Variants in ZSCAN21 observed in about 807,000 individuals in gnomAD.
The protein encoded by ZSCAN21 is zinc finger and SCAN domain containing 21, also known as zinc finger and SCAN domain-containing protein 21.
In ZSCAN21, 26 loss-of-function variants were observed where a neutral mutation model predicts 35.6. The ratio of observed to expected loss-of-function variants is 0.73; its 90% confidence interval spans 0.54 to 1.01. The LOEUF (loss-of-function observed/expected upper bound fraction) is 1.01. Among genes scored for constraint, ZSCAN21 ranks in the 50% least tolerant of loss-of-function variants. The pLI, the probability that ZSCAN21 is intolerant of heterozygous loss-of-function variation, is 0.00. For synonymous variants in ZSCAN21, 219 were observed against 219.3 expected (o/e 1.00, Z 0.01); for missense variants, 593 against 587.1 (o/e 1.01, Z -0.10).
Position 100,049,791 on chromosome 7 carries a change from C to T in ZSCAN21, c.-147C>T, listed in dbSNP as rs1005052056. ...TATGACGCACTTCCGGGTGCGCGGT[C>T]CCGAGGTACGCGGTGCGGTCTCCCG... On this transcript the variant is annotated 5_prime_UTR_variant, in exon 1 of 4. Transcript: ENST00000292450. 4 of 152,306 alleles carry T rather than the reference C, an allele frequency of 2.6e-5. No homozygotes were observed. Among genetic ancestry groups the T allele is most frequent in the Non-Finnish European group, 5.9e-5 (4 of 68,080 alleles). 9.4% of individuals were successfully genotyped at this position (152,306 alleles called of 1,614,324 possible).
intron 1 of ZSCAN21, among the ~76,000 whole-genome samples, chr7:100,053,466 G>C (rs1791958042): frequency 6.7e-6 from 1 of 149,018 alleles, no homozygotes; most frequent in Admixed American, 6.8e-5. Flanking sequence ...TCTGGATAGA[G>C]TATTAAATTT....
At chr7:100,054,953 CTCTCTT>C (rs1484721101) in intron 1 of ZSCAN21, among the ~76,000 whole-genome samples, 8 of 128,014 alleles carry the variant, frequency 6.2e-5, no homozygotes, top group Admixed American at 1.9e-4. Context: ...TACTTATGAT[CTCTCTT>C]TTTTTTTTTT....
chr7:100,064,596 T>C lies in ZSCAN21; in HGVS notation c.1401T>C (p.Thr467=). The change falls in exon 4 of 4, where the codon ACT becomes ACC. Residue 467 remains threonine, a synonymous_variant. Coordinates refer to ENST00000292450, the MANE Select transcript of ZSCAN21 (RefSeq NM_145914.3). ...SNLSKHQRVH[T]GEGEAP ...TTTCCAAACATCAGCGAGTCCACACTGGAGAGGGAGAAGCACCGTAACTTT... is the reference window on the plus strand; with the variant it reads ...TTTCCAAACATCAGCGAGTCCACACCGGAGAGGGAGAAGCACCGTAACTTT... The C allele has an allele frequency of 6.2e-7, 1 of 1,613,978 alleles. No homozygotes were observed.
At chr7:100,054,439 G>A (rs967035006) in intron 1 of ZSCAN21, among the ~76,000 whole-genome samples, 7 of 151,594 alleles carry the variant, frequency 4.6e-5, no homozygotes, top group Non-Finnish European at 8.8e-5. Context: ...TAGTAGAGAC[G>A]GGGTTTTGCC....
At chr7:100,050,115 G>GT (rs938587243) in intron 1 of ZSCAN21, among the ~76,000 whole-genome samples, 33 of 152,040 alleles carry the variant, frequency 2.2e-4, no homozygotes, top group East Asian at 1.2e-3. Flanking sequence ...TTCCAGAATA[G>GT]TTTTTTTTGT....
At chr7:100,056,845 G>A (rs778443582) in intron 1 of ZSCAN21, 66 bp from the exon 2 acceptor site, 4 of 678,628 alleles carry the variant, frequency 5.9e-6, no homozygotes, top group African/African-American at 1.8e-5. Flanking sequence ...TGTGTTAAAG[G>A]TATGGCTGTA....
At chr7:100,059,124 CAA>C (rs1315851408) in intron 3 of ZSCAN21, among the ~76,000 whole-genome samples, 1 of 152,194 alleles carries the variant, frequency 6.6e-6, no homozygotes, top group East Asian at 1.9e-4. Flanking sequence ...GATTTCATGA[CAA>C]GAGTCCATGG....
rs1174676296 is a variant in ZSCAN21 at position 100,064,751 on chromosome 7, G to A, written c.*134G>A. ...CTCAACATCAGGGGATGCCTGAGGAGTGCGAGCTCCACAGCAACATGGCAG... is the reference window on the plus strand; with the variant it reads ...CTCAACATCAGGGGATGCCTGAGGAATGCGAGCTCCACAGCAACATGGCAG... On this transcript the variant is annotated 3_prime_UTR_variant, in exon 4 of 4. Transcript: ENST00000292450. The A allele has an allele frequency of 1.9e-6, 3 of 1,614,086 alleles. No individual in the cohort carries two copies. Among genetic ancestry groups the A allele is most frequent in the East Asian group, 2.2e-5 (1 of 44,884 alleles).
At position 100,057,096 on chromosome 7, in the gene ZSCAN21, G is replaced by C. The variant is rs767526646; in HGVS notation, c.90G>C (p.Glu30Asp). Residue 30 changes from glutamate (E) to aspartate (D), a missense_variant, in exon 2 of 4, where the codon GAG becomes GAC. Physicochemically the swap from Glu to Asp is conservative, Grantham distance 45. Transcript: ENST00000292450. ...QVGPLMVKVE[E>D]KEEKGKYLPS... ...GGCCTCTGATGGTAAAAGTCGAGGA[G>C]AAAGAAGAGAAAGGCAAGTACCTTC... 6.2e-6 allele frequency: 10 copies of C among 1,613,994 alleles called. No homozygotes were observed. Among genetic ancestry groups the C allele is most frequent in the Non-Finnish European group, 8.5e-6 (10 of 1,180,040 alleles).
chr7:100,064,282 A>T lies in ZSCAN21; in HGVS notation c.1087A>T (p.Lys363Ter). 6.2e-7 allele frequency: 1 copy of T among 1,614,158 alleles called. No individual in the cohort carries two copies. Among genetic ancestry groups the T allele is most frequent in the East Asian group, 2.2e-5 (1 of 44,882 alleles). ...CACAGAAGAGGCGCCATATCAGTGCAAAGATTGTGGCAAGGCTTTCAGCGG... is the reference window on the plus strand; with the variant it reads ...CACAGAAGAGGCGCCATATCAGTGCTAAGATTGTGGCAAGGCTTTCAGCGG... Reference protein sequence around the residue: ...MHTEEAPYQCKDCGKAFSGKG... With the variant: ...MHTEEAPYQC Residue 363 changes from lysine (K) to a stop codon, truncating the protein, a stop_gained, in exon 4 of 4, where the codon AAA becomes TAA. Transcript: ENST00000292450. LOFTEE classifies it high-confidence loss of function.
intron 1 of ZSCAN21, among the ~76,000 whole-genome samples, chr7:100,054,972 T>C (rs2116083304): frequency 7.1e-6 from 1 of 141,430 alleles, no homozygotes; most frequent in South Asian, 2.4e-4. Context: ...TTTTTTTTTT[T>C]TGAGACTGAG....
At position 100,064,584 on chromosome 7, in the gene ZSCAN21, G is replaced by A. The variant is rs1415390919; in HGVS notation, c.1389G>A (p.Gln463=). 2 of 1,614,194 alleles carry A rather than the reference G, an allele frequency of 1.2e-6. No homozygotes were observed. The highest frequency in any genetic ancestry group is 2.2e-5 in the South Asian group (2 of 91,082). Residue 463 remains glutamine, a synonymous_variant, in exon 4 of 4, where the codon CAG becomes CAA. Coordinates refer to ENST00000292450, the MANE Select transcript of ZSCAN21 (RefSeq NM_145914.3). ...FCSKSNLSKH[Q]RVHTGEGEAP The stretch of plus-strand genomic sequence containing the variant: ...GCAAGTCCAATCTTTCCAAACATCA[G>A]CGAGTCCACACTGGAGAGGGAGAAG...
intron 1 of ZSCAN21, among the ~76,000 whole-genome samples, chr7:100,053,519 TTACATACATACA>T (rs56855067): frequency 1.1e-4 from 11 of 101,808 alleles, no homozygotes; most frequent in African/African-American, 3.6e-4. Context: ...AGGAGGGCTC[TTACATACATACA>T]TACATACATA....
At chr7:100,053,548 T>A (rs374845221) in intron 1 of ZSCAN21, among the ~76,000 whole-genome samples, 28 of 139,886 alleles carry the variant, frequency 2.0e-4, no homozygotes, top group Non-Finnish European at 2.6e-4. Flanking sequence ...CATACATAAT[T>A]TTTTTTTTTT....
In ZSCAN21 at chr7:100,064,547, AG is replaced by A; in HGVS notation, c.1353del (p.Thr452ProfsTer34). The A allele has an allele frequency of 1.2e-6, 2 of 1,614,236 alleles. No homozygotes were observed. The highest frequency in any genetic ancestry group is 1.7e-6 in the Non-Finnish European group (2 of 1,180,046). ...CCCTACTGGTGTCATCACTGTGGAAAGACCTTCTGTAGCAAGTCCAATCTTT... is the reference window on the plus strand; with the variant it reads ...CCCTACTGGTGTCATCACTGTGGAAAACCTTCTGTAGCAAGTCCAATCTTT... ...EKPYWCHHCGKTFCSKSNLSK... is the reference protein window; with the variant it reads ...EKPYWCHHCGXTFCSKSNLSK... On this transcript the variant is annotated frameshift_variant, in exon 4 of 4. Transcript: ENST00000292450. LOFTEE classifies it high-confidence loss of function.
chr7:100,057,680 A>G lies in ZSCAN21; in HGVS notation c.400-18A>G. 2 of 1,594,362 alleles carry G rather than the reference A, an allele frequency of 1.3e-6. No individual in the cohort carries two copies. Among genetic ancestry groups the G allele is most frequent in the Non-Finnish European group, 8.6e-7 (1 of 1,169,558 alleles). On this transcript the variant is annotated intron_variant, in intron 2 of 3. Transcript: ENST00000292450. ...AAGTGAGCCATGCACAAACCTAGCC[A>G]TTCCTGATTGTCTCTAGGTCTCAAC...
chr7:100,057,014 C>G lies in ZSCAN21; in HGVS notation c.8C>G (p.Thr3Ser), dbSNP rs1792095630. The G allele has an allele frequency of 1.3e-6, 2 of 1,597,740 alleles. No homozygotes were observed. Among genetic ancestry groups the G allele is most frequent in the Non-Finnish European group, 1.7e-6 (2 of 1,171,160 alleles). MM[T>S]KVLGMAPVLG... is the part of the protein sequence containing the mutation. ...GCTGTTTCTGGAGTTTACATGATGACCAAGGTACTAGGCATGGCCCCAGTT... is the reference window on the plus strand; with the variant it reads ...GCTGTTTCTGGAGTTTACATGATGAGCAAGGTACTAGGCATGGCCCCAGTT... Residue 3 changes from threonine to serine, a missense_variant, in exon 2 of 4, where the codon ACC (threonine) becomes AGC (serine). Coordinates refer to ENST00000292450, the MANE Select transcript of ZSCAN21 (RefSeq NM_145914.3).
chr7:100,064,510 ACCGGGGAAAAGC>A lies in ZSCAN21; in HGVS notation c.1318_1329del (p.Gly440_Pro443del), dbSNP rs1449688683. The A allele has an allele frequency of 1.9e-6, 3 of 1,614,132 alleles. No homozygotes were observed. Among genetic ancestry groups the A allele is most frequent in the Non-Finnish European group, 2.5e-6 (3 of 1,180,030 alleles). ...CTTCAATAAACACCACAGAATCCAC[ACCGGGGAAAAGC>A]CCTACTGGTGTCATCACTGTGGAAA... On this transcript the variant is annotated inframe_deletion, in exon 4 of 4. Coordinates refer to ENST00000292450, the MANE Select transcript of ZSCAN21 (RefSeq NM_145914.3).
chr7:100,054,838 CAAAAAAAAAAA>C (rs375324113), intron 1 of ZSCAN21, among the ~76,000 whole-genome samples: 5 of 63,038 alleles, frequency 7.9e-5, no homozygotes, highest in Non-Finnish European at 1.5e-4. Flanking sequence ...GACGCTGTCT[CAAAAAAAAAAA>C]AAAAAAAAAA....
Sources: gnomAD v4.1 joint callset for allele counts (sites outside exome capture counted in the v4.1 genomes callset) on GRCh38, gnomAD v4.1.1 for gene constraint, MANE v1.5 for transcripts, NCBI Gene and HGNC (gene_info 2026-07-23, HGNC 2026-07-21) for gene names.